LRP1B: variants seen among roughly 807,000 people sequenced by gnomAD.
LRP1B encodes the protein low-density lipoprotein receptor-related protein 1B.
LRP1B carries 217 observed loss-of-function variants against 556.6 expected under a neutral mutation model. The observed-to-expected ratio is 0.39, with a 90% CI of 0.35 to 0.44. The LOEUF (loss-of-function observed/expected upper bound fraction) is 0.44, where lower values mean the gene tolerates loss of function less well. LRP1B is among the 20% of genes least tolerant of loss of function. The pLI is 1.00. For missense variants in LRP1B, 5,053 were observed against 5,620.8 expected (o/e 0.90, Z 3.23); for synonymous variants, 2,047 against 1,865.8 (o/e 1.10, Z -2.50).
At chr2:141,136,521 T>C (rs2105042223) in intron 7 of LRP1B, among the ~76,000 whole-genome samples, 1 of 151,682 alleles carries the variant, frequency 6.6e-6, no homozygotes, top group Admixed American at 6.6e-5. Context: ...TTATTTCCTT[T>C]CCTGCTTTAA....
intron 2 of LRP1B, among the ~76,000 whole-genome samples, chr2:141,690,516 C>G (rs1430892817): frequency 1.4e-5 from 2 of 145,526 alleles, no homozygotes; most frequent in South Asian, 4.3e-4. Context: ...GTTTTACAAC[C>G]TGGTTCATAT....
At chr2:141,124,703 C>A (rs1701157759) in intron 7 of LRP1B, among the ~76,000 whole-genome samples, 1 of 150,564 alleles carries the variant, frequency 6.6e-6, no homozygotes, top group South Asian at 2.1e-4. Context: ...TTAAAGAGCC[C>A]ATTAAAAGGT....
chr2:141,518,061 G>A (rs1234261023), intron 2 of LRP1B, among the ~76,000 whole-genome samples: 2 of 151,938 alleles, frequency 1.3e-5, no homozygotes, highest in African/African-American at 4.8e-5. Context: ...TGTGGGAAAG[G>A]TAGACATTAA....
rs1273579139 is a variant in LRP1B, at chr2:140,748,775, T to TATATATCATATATATTATATAC, written c.5758+20437_5758+20438insGTATATAATATATATGATATAT. Among the ~76,000 whole-genome samples the TATATATCATATATATTATATAC allele has an allele frequency of 1.5e-3, 45 of 29,306 alleles. 9 individuals carry two copies. The highest frequency in any genetic ancestry group is 4.7e-3 in the Admixed American group (12 of 2,560). 19.2% of individuals were successfully genotyped at this position (29,306 alleles called of 152,430 possible). ...ATATATATTATATACATGTATATAA[T>TATATATCATATATATTATATAC]ATGTATATAATATATATTATATACA... On this transcript the variant is annotated intron_variant, in intron 35 of 90. Transcript: ENST00000389484.
intron 2 of LRP1B, among the ~76,000 whole-genome samples, chr2:141,739,732 A>C (rs551964633): frequency 1.3e-5 from 2 of 151,862 alleles, no homozygotes; most frequent in East Asian, 3.9e-4. Context: ...ATACCAATGA[A>C]TAAAAGATAT....
At chr2:140,479,190 C>T (rs758668063) in intron 59 of LRP1B, among the ~76,000 whole-genome samples, 7 of 151,996 alleles carry the variant, frequency 4.6e-5, no homozygotes, top group Admixed American at 2.6e-4. Flanking sequence ...ATATCATTTC[C>T]TTTTCATACT....
At chr2:141,126,641 C>T (rs928548937) in intron 7 of LRP1B, among the ~76,000 whole-genome samples, 5 of 152,130 alleles carry the variant, frequency 3.3e-5, no homozygotes, top group Admixed American at 3.3e-4. Context: ...AACACAATAG[C>T]CTCTTGGTCC....
chr2:141,124,677 A>AAAAAAAAAAAAAAAG (rs1558877248), intron 7 of LRP1B, among the ~76,000 whole-genome samples: 2 of 151,104 alleles, frequency 1.3e-5, no homozygotes, highest in African/African-American at 2.4e-5. Flanking sequence ...AAAAAAAAAA[A>AAAAAAAAAAAAAAAG]AAAGAAAAAA....
intron 60 of LRP1B, among the ~76,000 whole-genome samples, chr2:140,473,450 T>C (rs1454425251): frequency 6.6e-6 from 1 of 151,974 alleles, no homozygotes; most frequent in Non-Finnish European, 1.5e-5. Context: ...TACACATGTC[T>C]CTCTATCCAA....
At chr2:140,599,475 T>C (rs1191869822) in intron 42 of LRP1B, among the ~76,000 whole-genome samples, 1 of 152,106 alleles carries the variant, frequency 6.6e-6, no homozygotes, top group African/African-American at 2.4e-5. Flanking sequence ...GATTCCCATG[T>C]ATAACCATTT....
intron 1 of LRP1B, among the ~76,000 whole-genome samples, chr2:141,886,443 G>A (rs370534661): frequency 2.0e-4 from 31 of 152,218 alleles, no homozygotes; most frequent in East Asian, 1.6e-3. Context: ...TCTTGTAGCC[G>A]TGTGTAATAG....
intron 3 of LRP1B, among the ~76,000 whole-genome samples, chr2:141,392,522 A>G (rs566353786): frequency 1.9e-4 from 28 of 150,974 alleles, no homozygotes; most frequent in Middle Eastern, 3.5e-3. Context: ...ATGGGGCAGG[A>G]AAAAGGGGGA....
Position 140,308,362 on chromosome 2 carries a change from A to AACAAGTAT in LRP1B, c.12805+6565_12805+6572dup, listed in dbSNP as rs568285430. Among the ~76,000 whole-genome samples, 338 of 151,992 alleles carry AACAAGTAT rather than the reference A, an allele frequency of 2.2e-3. 2 individuals carry two copies. The highest frequency in any genetic ancestry group is 7.3e-3 in the African/African-American group (304 of 41,562). ...TTTTCCTCTATCTACACAACGCTTG[A>AACAAGTAT]ACAAGTATGGCTGATTGCCAAAAAG... On this transcript the variant is annotated intron_variant, in intron 83 of 90. Coordinates refer to ENST00000389484, the MANE Select transcript of LRP1B (RefSeq NM_018557.3).
chr2:141,408,141 ATTTTT>A (rs35914905), intron 3 of LRP1B, among the ~76,000 whole-genome samples: 2 of 123,970 alleles, frequency 1.6e-5, no homozygotes, highest in Non-Finnish European at 3.2e-5. Flanking sequence ...ATTTGGTTCA[ATTTTT>A]TTTTTTTTTT....
chr2:142,046,111 T>C (rs1299101393), intron 1 of LRP1B, among the ~76,000 whole-genome samples: 1 of 152,060 alleles, frequency 6.6e-6, no homozygotes, highest in South Asian at 2.1e-4. Flanking sequence ...AATGACTTCT[T>C]AACCCAGTTT....
intron 1 of LRP1B, among the ~76,000 whole-genome samples, chr2:142,021,150 T>C (rs1040928474): frequency 6.6e-6 from 1 of 152,216 alleles, no homozygotes; most frequent in Non-Finnish European, 1.5e-5. Flanking sequence ...CATTCCCATA[T>C]GCACCTTGCA....
chr2:140,671,601 C>T (rs1204626709), intron 41 of LRP1B, among the ~76,000 whole-genome samples: 1 of 152,188 alleles, frequency 6.6e-6, no homozygotes, highest in African/African-American at 2.4e-5. Flanking sequence ...TGGCCTCTTT[C>T]TCCACCTTCA....
At chr2:140,533,537 C>T (rs944437093) in intron 47 of LRP1B, among the ~76,000 whole-genome samples, 2 of 152,054 alleles carry the variant, frequency 1.3e-5, no homozygotes, top group African/African-American at 4.8e-5. Flanking sequence ...TAAAGGCATA[C>T]TCTGTTAGCC....
At chr2:141,433,608 A>G (rs1680649693) in intron 3 of LRP1B, among the ~76,000 whole-genome samples, 1 of 152,012 alleles carries the variant, frequency 6.6e-6, no homozygotes, top group Admixed American at 6.6e-5. Context: ...TCACTATCTA[A>G]TGGTCTCTAT....
Sources: gnomAD v4.1 joint callset for allele counts (sites outside exome capture counted in the v4.1 genomes callset) on GRCh38, gnomAD v4.1.1 for gene constraint, MANE v1.5 for transcripts, NCBI Gene and HGNC (gene_info 2026-07-23, HGNC 2026-07-21) for gene names.